NAPA: variants seen among roughly 807,000 people sequenced by gnomAD.
NAPA encodes the protein alpha-soluble NSF attachment protein.
Under a neutral mutation model 48.0 loss-of-function variants are expected in NAPA, and 18 were observed. That is an observed-to-expected ratio of 0.38 (90% CI 0.26 to 0.56). The LOEUF (loss-of-function observed/expected upper bound fraction) is 0.56. Ranked by LOEUF, NAPA falls within the 20% of genes least tolerant of loss-of-function variation. The probability of loss-of-function intolerance (pLI) is 0.77; values close to 1 mark genes in which losing one functional copy is unlikely to be tolerated. For missense variants in NAPA, 315 were observed against 385.0 expected (o/e 0.82, Z 1.52); for synonymous variants, 152 against 149.9 (o/e 1.01, Z -0.10).
chr19:47,509,343 AT>A, intron 1 of NAPA, among the ~76,000 whole-genome samples: 1 of 146,624 alleles, frequency 6.8e-6, no homozygotes, highest in African/African-American at 2.5e-5. Context: ...ATAAAATAAA[AT>A]AAAATAAATA....
chr19:47,505,659 C>T (rs1075683), intron 1 of NAPA: 5,367 of 152,294 alleles, frequency 0.035, 290 homozygotes, highest in African/African-American at 0.12. Context: ...CAGCCACCAG[C>T]GATCAGATCA....
intron 1 of NAPA, among the ~76,000 whole-genome samples, chr19:47,511,966 C>T (rs528096582): frequency 8.8e-4 from 134 of 152,180 alleles, no homozygotes; most frequent in Non-Finnish European, 1.6e-3. Flanking sequence ...CCTCGGAGAT[C>T]TTCAGTGCCT....
chr19:47,487,140 A>C (rs1599884747), downstream of NAPA, among the ~76,000 whole-genome samples: 1 of 149,130 alleles, frequency 6.7e-6, no homozygotes, highest in South Asian at 2.1e-4. Flanking sequence ...CTCCTCCCCC[A>C]CTCCCCAGAC....
chr19:47,495,532 C>A lies in NAPA; in HGVS notation c.342+18G>T. 1 of 1,613,610 alleles carries A rather than the reference C, an allele frequency of 6.2e-7. No homozygotes were observed. The stretch of plus-strand genomic sequence containing the variant: ...GCAGTGGGACCCGGGGGTGTCAGGA[C>A]AAGCAAGCAGCCCTTACCATGTCTG... On this transcript the variant is annotated intron_variant, in intron 4 of 10. Transcript: ENST00000263354.
chr19:47,511,337 C>T (rs1255017731), intron 1 of NAPA, among the ~76,000 whole-genome samples: 1 of 152,214 alleles, frequency 6.6e-6, no homozygotes, highest in African/African-American at 2.4e-5. Flanking sequence ...CTCCCAGCTC[C>T]CAGGCACACA....
chr19:47,494,376 C>G (rs927275689), intron 4 of NAPA, among the ~76,000 whole-genome samples: 1 of 152,172 alleles, frequency 6.6e-6, no homozygotes, highest in Non-Finnish European at 1.5e-5. Flanking sequence ...CTGCCCTGAA[C>G]GCAAGGGGTA....
intron 1 of NAPA, among the ~76,000 whole-genome samples, chr19:47,503,972 C>CT (rs1968640934): frequency 6.6e-6 from 1 of 152,210 alleles, no homozygotes; most frequent in Admixed American, 6.5e-5. Flanking sequence ...CAATAAAGAC[C>CT]TTGCAGCCCT....
chr19:47,485,001 A>G (rs1026349983), downstream of NAPA, among the ~76,000 whole-genome samples: 2 of 152,040 alleles, frequency 1.3e-5, no homozygotes, highest in African/African-American at 4.8e-5. Flanking sequence ...TGCCCGGCCT[A>G]TAGTTCATAA....
intron 1 of NAPA, among the ~76,000 whole-genome samples, chr19:47,510,140 G>C (rs903506309): frequency 6.6e-6 from 1 of 152,208 alleles, no homozygotes; most frequent in Non-Finnish European, 1.5e-5. Context: ...GATTCACCAG[G>C]GTGCCCACTG....
intron 7 of NAPA, chr19:47,492,350 G>A (rs961441388): frequency 2.3e-5 from 12 of 533,210 alleles, no homozygotes; most frequent in African/African-American, 1.7e-4. Flanking sequence ...GGTGGAGGCT[G>A]TAGCCAGGTG....
At chr19:47,508,568 A>G (rs764140283) in intron 1 of NAPA, among the ~76,000 whole-genome samples, 6 of 152,296 alleles carry the variant, frequency 3.9e-5, no homozygotes, top group Admixed American at 6.5e-5. Flanking sequence ...GGGCAAAGAC[A>G]AGGGGTAGAA....
intron 10 of NAPA, chr19:47,489,396 T>G: frequency 2.4e-6 from 1 of 420,380 alleles, no homozygotes; most frequent in Non-Finnish European, 4.4e-6. Flanking sequence ...CACACTCACC[T>G]GGGGGACTCA....
chr19:47,507,972 A>G (rs1463231884), intron 1 of NAPA, among the ~76,000 whole-genome samples: 2 of 152,110 alleles, frequency 1.3e-5, no homozygotes, highest in South Asian at 2.1e-4. Context: ...CCCCATGCCC[A>G]AGGCTCCTTG....
Position 47,495,686 on chromosome 19 carries a change from G to T in NAPA, c.296-90C>A, listed in dbSNP as rs1032404818. The T allele has an allele frequency of 1.2e-5, 15 of 1,256,264 alleles. No homozygotes were observed. The Admixed American group carries it at 1.7e-4, about 14-fold the overall frequency. The allele number at this position is 1,256,264 out of a possible 1,614,324, so 77.8% of individuals were successfully genotyped here. ...GAGGAGGCGGACGCAGGCGCACCTG[G>T]CTGCCAGCAGAGAGATCAATAGGCG... On this transcript the variant is annotated intron_variant, in intron 3 of 10. Transcript: ENST00000263354.
At chr19:47,490,249 T>G (rs540952862) in intron 9 of NAPA, among the ~76,000 whole-genome samples, 13 of 138,768 alleles carry the variant, frequency 9.4e-5, no homozygotes, top group African/African-American at 2.2e-4. Context: ...GTTTTGTGTG[T>G]GGGGGGGTGT....
rs542583921 is a variant in NAPA, at chr19:47,513,890, C to G, written c.98+953G>C. ...TTTGAGACAGAGTCTCGCTCTGTCCCCCAGGCTGTAGTGCAGTGGCTCGAT... is the reference window on the plus strand; with the variant it reads ...TTTGAGACAGAGTCTCGCTCTGTCCGCCAGGCTGTAGTGCAGTGGCTCGAT... On this transcript the variant is annotated intron_variant, in intron 1 of 10. Transcript: ENST00000263354. 4.9e-5 allele frequency among the ~76,000 whole-genome samples: 7 copies of G among 141,468 alleles called. No homozygotes were observed. In the South Asian group the frequency reaches 1.4e-3, roughly 29 times the overall value. The allele number at this position is 141,468 out of a possible 152,430, so 92.8% of individuals were successfully genotyped here.
At chr19:47,488,945 C>T (rs1171755330) in intron 10 of NAPA, 1 of 151,344 alleles carries the variant, frequency 6.6e-6, no homozygotes, top group East Asian at 1.9e-4. Flanking sequence ...CCAGCATCCT[C>T]ACTGAATGGG....
intron 1 of NAPA, among the ~76,000 whole-genome samples, chr19:47,513,529 G>A (rs1175106167): frequency 6.6e-6 from 1 of 152,186 alleles, no homozygotes; most frequent in Non-Finnish European, 1.5e-5. Flanking sequence ...TGGGCTCTTG[G>A]CACTTCTAAG....
intron 2 of NAPA, 85 bp downstream of exon 2, chr19:47,503,338 G>A (rs749666194): frequency 3.4e-4 from 439 of 1,305,358 alleles, no homozygotes; most frequent in Non-Finnish European, 4.6e-4. Flanking sequence ...GGGCCCTCAA[G>A]GCCAACCTCT....
Sources: allele counts gnomAD v4.1 joint callset (sites outside exome capture counted in the v4.1 genomes callset), GRCh38; gene constraint gnomAD v4.1.1; transcripts MANE v1.5; gene names NCBI Gene and HGNC (gene_info 2026-07-23, HGNC 2026-07-21).